Variants in ZPLD1 observed in about 807,000 individuals in gnomAD.
ZPLD1 encodes zona pellucida like domain containing 1.
A neutral mutation model predicts 47.2 loss-of-function variants in ZPLD1; 34 were observed. The ratio of observed to expected loss-of-function variants is 0.72; its 90% CI spans 0.55 to 0.96. ZPLD1 has a LOEUF of 0.96. Ranked by LOEUF, ZPLD1 falls within the 40% of genes least tolerant of loss-of-function variation. The pLI is 0.00. For synonymous variants in ZPLD1, 176 were observed against 186.2 expected, an observed-to-expected ratio of 0.95 and a Z score of 0.45; for missense variants, 512 against 505.8, an observed-to-expected ratio of 1.01 and a Z score of -0.12.
intron 3 of ZPLD1, among the ~76,000 whole-genome samples, chr3:102,448,912 G>A (rs897158230): frequency 2.6e-5 from 4 of 152,236 alleles, no homozygotes; most frequent in African/African-American, 9.6e-5. Flanking sequence ...GGAGTGCAAT[G>A]ATACTTGTTC....
intron 6 of ZPLD1, among the ~76,000 whole-genome samples, chr3:102,461,038 A>G (rs1460283322): frequency 6.6e-6 from 1 of 151,970 alleles, no homozygotes; most frequent in African/African-American, 2.4e-5. Flanking sequence ...TCTCTTATAT[A>G]TTTGGCTTTA....
At chr3:102,432,104 C>T (rs1559749203), upstream of ZPLD1, among the ~76,000 whole-genome samples, 1 of 152,160 alleles carries the variant, frequency 6.6e-6, no homozygotes, top group African/African-American at 2.4e-5. Flanking sequence ...TTAACTTAAA[C>T]TTTGATCTCT....
chr3:102,430,686 A>C (rs914300449), upstream of ZPLD1, among the ~76,000 whole-genome samples: 1 of 152,228 alleles, frequency 6.6e-6, no homozygotes, highest in African/African-American at 2.4e-5. Flanking sequence ...ATGAACATAC[A>C]TTTGAATATC....
chr3:102,427,557 T>C (rs1706963322), intron 8 of ZPLD1, among the ~76,000 whole-genome samples: 1 of 151,972 alleles, frequency 6.6e-6, no homozygotes, highest in Non-Finnish European at 1.5e-5. Context: ...TCCCAGGGAG[T>C]GTATTACTAT....
chr3:102,476,636 T>TA (rs1346768685), intron 10 of ZPLD1, among the ~76,000 whole-genome samples: 2 of 152,066 alleles, frequency 1.3e-5, no homozygotes, highest in Non-Finnish European at 2.9e-5. Context: ...TATAGGGCCA[T>TA]AAAAAATGTA....
At position 102,464,160 on chromosome 3, in the gene ZPLD1, C is replaced by T. The variant is rs1302540477; in HGVS notation, c.681-11C>T. 4.4e-6 allele frequency: 7 copies of T among 1,598,890 alleles called. No homozygotes were observed. The highest frequency in any genetic ancestry group is 1.3e-5 in the African/African-American group (1 of 74,580). The stretch of plus-strand genomic sequence containing the variant: ...TCTGACTCTAGATTATGTTTGCTTA[C>T]ATTCTTTCAGATGGAATGTTTTAAT... On this transcript the variant is annotated splice_polypyrimidine_tract_variant and intron_variant, in intron 7 of 11. Coordinates refer to ENST00000466937, the MANE Select transcript of ZPLD1 (RefSeq NM_001329788.2).
chr3:102,406,224 A>G (rs1706683420), intron 7 of ZPLD1, among the ~76,000 whole-genome samples: 1 of 152,074 alleles, frequency 6.6e-6, no homozygotes, highest in East Asian at 1.9e-4. Flanking sequence ...AAACCATGCT[A>G]ATAGATTGCT....
Position 102,461,092 on chromosome 3 carries a change from A to G in ZPLD1, c.583-1189A>G, listed in dbSNP as rs1707499175. Among the ~76,000 whole-genome samples, 3 of 152,138 alleles carry G rather than the reference A, an allele frequency of 2.0e-5. No individual in the cohort carries two copies. In the South Asian group the frequency reaches 6.2e-4, roughly 32 times the overall value. On this transcript the variant is annotated intron_variant, in intron 6 of 11. Transcript: ENST00000466937. ...CGTATTAACTTTTTTTCCAAAAATG[A>G]AGCATCCCAACTATTACTGTCTTAA...
intron 10 of ZPLD1, among the ~76,000 whole-genome samples, chr3:102,473,864 G>A (rs1707720439): frequency 6.6e-6 from 1 of 152,054 alleles, no homozygotes; most frequent in Non-Finnish European, 1.5e-5. Flanking sequence ...AGGTCAGCTA[G>A]AATTTATCTC....
chr3:102,440,986 T>TA, intron 3 of ZPLD1, among the ~76,000 whole-genome samples: 1 of 152,280 alleles, frequency 6.6e-6, no homozygotes, highest in South Asian at 2.1e-4. Flanking sequence ...TTGTTTGATT[T>TA]AAGTGAGAAG....
At chr3:102,388,140 G>T (rs972139901) in intron 6 of ZPLD1, among the ~76,000 whole-genome samples, 1 of 152,046 alleles carries the variant, frequency 6.6e-6, no homozygotes, top group African/African-American at 2.4e-5. Context: ...GATTACAGGC[G>T]TGAGCCACCA....
At position 102,441,868 on chromosome 3, in the gene ZPLD1, G is replaced by A. The variant is rs115595373; in HGVS notation, c.106+3275G>A. ...GGTGACCATCTGTGTTAGCTGATTTGTTTTATCCAGAGGAAAAAGTAACTT... is the reference window on the plus strand; with the variant it reads ...GGTGACCATCTGTGTTAGCTGATTTATTTTATCCAGAGGAAAAAGTAACTT... On this transcript the variant is annotated intron_variant, in intron 3 of 11. Coordinates refer to ENST00000466937, the MANE Select transcript of ZPLD1 (RefSeq NM_001329788.2). Among the ~76,000 whole-genome samples, 1,280 of 152,220 alleles carry A rather than the reference G, an allele frequency of 8.4e-3. 11 individuals are homozygous for A. The highest frequency in any genetic ancestry group is 0.013 in the Non-Finnish European group (865 of 67,984).
chr3:102,407,440 T>TATAC (rs1427848560), intron 7 of ZPLD1, among the ~76,000 whole-genome samples: 1 of 96,432 alleles, frequency 1.0e-5, no homozygotes, highest in Admixed American at 1.0e-4. Context: ...TATATATATA[T>TATAC]ATACACACAT....
chr3:102,476,545 C>T (rs562934771), intron 10 of ZPLD1, among the ~76,000 whole-genome samples: 3 of 151,916 alleles, frequency 2.0e-5, no homozygotes, highest in East Asian at 1.9e-4. Context: ...TTGCAGATTA[C>T]GTTGGGCAAA....
intron 3 of ZPLD1, among the ~76,000 whole-genome samples, chr3:102,446,220 C>T (rs1429661848): frequency 6.6e-6 from 1 of 152,214 alleles, no homozygotes; most frequent in Non-Finnish European, 1.5e-5. Context: ...TAAATATCCA[C>T]TCTCCGATAT....
chr3:102,469,772 A>G (rs1348430573), intron 9 of ZPLD1, among the ~76,000 whole-genome samples: 1 of 152,224 alleles, frequency 6.6e-6, no homozygotes, highest in African/African-American at 2.4e-5. Context: ...AGTTAAAAGC[A>G]ATGAAAGGTG....
chr3:102,410,718 G>A (rs1375813945), intron 7 of ZPLD1, among the ~76,000 whole-genome samples: 4 of 151,722 alleles, frequency 2.6e-5, no homozygotes, highest in Non-Finnish European at 2.9e-5. Context: ...GGAGAAACAG[G>A]AGAGTTGCTG....
chr3:102,403,349 AC>A (rs1706645884), intron 7 of ZPLD1, among the ~76,000 whole-genome samples: 1 of 151,968 alleles, frequency 6.6e-6, no homozygotes, highest in African/African-American at 2.4e-5. Flanking sequence ...TTTCCAAGTT[AC>A]TAGGAAAAAA....
chr3:102,432,610 C>T (rs999707785), upstream of ZPLD1, among the ~76,000 whole-genome samples: 5 of 152,108 alleles, frequency 3.3e-5, no homozygotes, highest in South Asian at 4.1e-4. Flanking sequence ...AAGGCACTTT[C>T]GAACATGTTC....
Sources: allele counts gnomAD v4.1 joint callset (sites outside exome capture counted in the v4.1 genomes callset), GRCh38; gene constraint gnomAD v4.1.1; transcripts MANE v1.5; gene names NCBI Gene and HGNC (gene_info 2026-07-23, HGNC 2026-07-21).